Variants in PDZRN3 observed in about 807,000 individuals in gnomAD.
PDZRN3 encodes the protein PDZ domain containing ring finger 3, also known as E3 ubiquitin-protein ligase PDZRN3.
Under a neutral mutation model 85.7 loss-of-function variants are expected in PDZRN3, and 38 were observed. The observed-to-expected ratio is 0.44, with a 90% CI of 0.34 to 0.58. The LOEUF (loss-of-function observed/expected upper bound fraction) is 0.58. PDZRN3 is among the 20% of genes least tolerant of loss of function. The pLI is 0.01. For synonymous variants in PDZRN3, 759 were observed against 638.0 expected (o/e 1.19, Z -2.86); for missense variants, 1,629 against 1,506.4 (o/e 1.08, Z -1.35).
In PDZRN3 at chr3:73,385,718, T is replaced by TCCAGCATGTCCATGTGCAGGTCATCCAGA; in HGVS notation, c.1557_1585dup (p.Glu529ValfsTer138). On this transcript the variant is annotated frameshift_variant, in exon 9 of 10. Transcript: ENST00000263666. LOFTEE classifies it high-confidence loss of function. The stretch of plus-strand genomic sequence containing the variant: ...TTGCATGGCCTGGTGGTGCTGCTCC[T>TCCAGCATGTCCATGTGCAGGTCATCCAGA]CCAGCATGTCCATGTGCAGGTCATC... The TCCAGCATGTCCATGTGCAGGTCATCCAGA allele has an allele frequency of 6.2e-7, 1 of 1,613,894 alleles. No individual in the cohort carries two copies. Among genetic ancestry groups the TCCAGCATGTCCATGTGCAGGTCATCCAGA allele is most frequent in the Non-Finnish European group, 8.5e-7 (1 of 1,179,808 alleles).
Position 73,521,265 on chromosome 3 carries a change from C to G in PDZRN3, c.918+81089G>C, listed in dbSNP as rs536988979. Among the ~76,000 whole-genome samples, 5 of 152,312 alleles carry G rather than the reference C, an allele frequency of 3.3e-5. No homozygotes were observed. In the South Asian group the frequency reaches 1.0e-3, roughly 32 times the overall value. ...CAGAAAGACTTCACGCTCTGGACAT[C>G]TTTACTGGGGCCAGTGCACAGCCCT... On this transcript the variant is annotated intron_variant, in intron 3 of 9. Coordinates refer to ENST00000263666, the MANE Select transcript of PDZRN3 (RefSeq NM_015009.3).
At chr3:73,451,078 C>T (rs1180152342) in intron 3 of PDZRN3, among the ~76,000 whole-genome samples, 2 of 152,148 alleles carry the variant, frequency 1.3e-5, no homozygotes, top group African/African-American at 2.4e-5. Context: ...CAGAAACAGT[C>T]TTGACATCTC....
chr3:73,608,727 G>A (rs766230650), intron 1 of PDZRN3, 43 bp from the exon 2 acceptor site: 4 of 1,194,626 alleles, frequency 3.3e-6, no homozygotes, highest in Admixed American at 3.9e-5. Context: ...TACCAACAGG[G>A]AATAGATGGT....
intron 3 of PDZRN3, among the ~76,000 whole-genome samples, chr3:73,434,631 T>C (rs1702496996): frequency 6.6e-6 from 1 of 152,194 alleles, no homozygotes; most frequent in African/African-American, 2.4e-5. Flanking sequence ...GTCAGCTTCA[T>C]GCCATCCCCT....
rs755230623 is a variant in PDZRN3 at position 73,624,544 on chromosome 3, C to T, written c.282G>A (p.Lys94=). The T allele has an allele frequency of 1.8e-5, 27 of 1,507,182 alleles. No homozygotes were observed. In the African/African-American group the frequency reaches 3.3e-4, roughly 19 times the overall value. The allele number at this position is 1,507,182 out of a possible 1,614,324, so 93.4% of individuals were successfully genotyped here. Residue 94 remains lysine, a synonymous_variant, in exon 1 of 10, where the codon AAG becomes AAA. Coordinates refer to ENST00000263666, the MANE Select transcript of PDZRN3 (RefSeq NM_015009.3). ...YATRGCGRVV[K]LQQLPEHLER... ...CGAGGTGCTCCGGCAGCTGCTGCAGCTTGACCACCCGGCCGCAGCCGCGCG... is the reference window on the plus strand; with the variant it reads ...CGAGGTGCTCCGGCAGCTGCTGCAGTTTGACCACCCGGCCGCAGCCGCGCG...
At position 73,624,203 on chromosome 3, in the gene PDZRN3, T is replaced by G; in HGVS notation, c.623A>C (p.Glu208Ala). ...GTAGCGCAGCGCGGTCATCTGCAGC[T>G]CAAGCTGCGCCGCGGCCAGCTGGGC... Reference protein sequence around the residue: ...LVAQLAAAQLELQMTALRYQK... With the variant: ...LVAQLAAAQLALQMTALRYQK... The change falls in exon 1 of 10, where the codon GAG becomes GCG. Residue 208 changes from glutamate (E) to alanine (A), a missense_variant. Glu to Ala is a moderately radical substitution (Grantham distance 107). Transcript: ENST00000263666. 1 of 1,491,308 alleles carries G rather than the reference T, an allele frequency of 6.7e-7. No individual in the cohort carries two copies. Among genetic ancestry groups the G allele is most frequent in the Non-Finnish European group, 8.9e-7 (1 of 1,126,842 alleles). The allele number at this position is 1,491,308 out of a possible 1,614,324, so 92.4% of individuals were successfully genotyped here. A position where few individuals can be genotyped will look rare whatever the true frequency, so the allele number is the denominator to read the frequency against.
chr3:73,424,577 A>G (rs1702273345), intron 3 of PDZRN3, among the ~76,000 whole-genome samples: 1 of 150,802 alleles, frequency 6.6e-6, no homozygotes, highest in Non-Finnish European at 1.5e-5. Context: ...ATATGCAAAG[A>G]CAGGATACAA....
chr3:73,624,355 C>A lies in PDZRN3; in HGVS notation c.471G>T (p.Ala157=), dbSNP rs2106926499. The part of the protein sequence containing the change: ...GLPLTHGEQR[A]GGHCCARALR... ...GCGCTCGCGCGCAGCAGTGGCCGCCCGCGCGCTGCTCGCCGTGCGTCAAGG... is the reference window on the plus strand; with the variant it reads ...GCGCTCGCGCGCAGCAGTGGCCGCCAGCGCGCTGCTCGCCGTGCGTCAAGG... Residue 157 remains alanine, a synonymous_variant, in exon 1 of 10, where the codon GCG becomes GCT. Coordinates refer to ENST00000263666, the MANE Select transcript of PDZRN3 (RefSeq NM_015009.3). 7.7e-7 allele frequency: 1 copy of A among 1,301,138 alleles called. No individual in the cohort carries two copies. The highest frequency in any genetic ancestry group is 2.4e-5 in the South Asian group (1 of 42,404). 80.6% of individuals were successfully genotyped at this position (1,301,138 alleles called of 1,614,324 possible).
At chr3:73,539,993 GATA>G (rs1704877188) in intron 3 of PDZRN3, among the ~76,000 whole-genome samples, 1 of 148,594 alleles carries the variant, frequency 6.7e-6, no homozygotes, top group Non-Finnish European at 1.5e-5. Flanking sequence ...CATGGCTCAG[GATA>G]ATACTTCCTG....
At chr3:73,596,115 A>G (rs2106887199) in intron 3 of PDZRN3, among the ~76,000 whole-genome samples, 1 of 152,292 alleles carries the variant, frequency 6.6e-6, no homozygotes, top group South Asian at 2.1e-4. Flanking sequence ...CATGATGGGA[A>G]CATGTCAAAA....
chr3:73,391,013 T>G lies in PDZRN3; in HGVS notation c.1353+5A>C. ...TAGTTAGAAAAACAAAATCAGCCTT[T>G]GTACCTCACTGATATAAATCCCAAT... is the stretch of plus-strand genomic sequence containing the variant. On this transcript the variant is annotated splice_donor_5th_base_variant and intron_variant, in intron 6 of 9. Transcript: ENST00000263666. 6.2e-7 allele frequency: 1 copy of G among 1,600,352 alleles called. No homozygotes were observed. Among genetic ancestry groups the G allele is most frequent in the Non-Finnish European group, 8.6e-7 (1 of 1,167,902 alleles).
chr3:73,385,829 C>A (rs1701368544), intron 8 of PDZRN3, 44 bp from the exon 9 acceptor site: 1 of 1,112,232 alleles, frequency 9.0e-7, no homozygotes. Context: ...AGTTTCCTTT[C>A]ATGTTCATTT....
intron 3 of PDZRN3, among the ~76,000 whole-genome samples, chr3:73,523,648 G>A (rs1449106021): frequency 6.6e-6 from 1 of 152,122 alleles, no homozygotes. Flanking sequence ...TGAAAAATAT[G>A]ATCACAAAAA....
chr3:73,397,196 G>T (rs1701656652), intron 5 of PDZRN3, among the ~76,000 whole-genome samples: 1 of 152,078 alleles, frequency 6.6e-6, no homozygotes, highest in African/African-American at 2.4e-5. Context: ...ACTGCGTCTG[G>T]CCAGAACCAT....
At chr3:73,599,804 A>G (rs1178284162) in intron 3 of PDZRN3, among the ~76,000 whole-genome samples, 2 of 152,098 alleles carry the variant, frequency 1.3e-5, no homozygotes, top group Non-Finnish European at 2.9e-5. Context: ...CAGCATCTGC[A>G]GCCACATAAG....
intron 5 of PDZRN3, 119 bp from the exon 6 acceptor site, chr3:73,391,235 T>C: frequency 1.5e-6 from 1 of 667,144 alleles, no homozygotes; most frequent in Admixed American, 2.4e-5. Context: ...CATTCAACTG[T>C]GTAGGGCCGG....
At chr3:73,472,900 C>G (rs960503193) in intron 3 of PDZRN3, among the ~76,000 whole-genome samples, 1 of 152,218 alleles carries the variant, frequency 6.6e-6, no homozygotes, top group Non-Finnish European at 1.5e-5. Context: ...TTACTATTCA[C>G]TTTCCAATAC....
chr3:73,411,842 T>C (rs539072131), intron 3 of PDZRN3, among the ~76,000 whole-genome samples: 8 of 152,224 alleles, frequency 5.3e-5, no homozygotes, highest in Non-Finnish European at 2.9e-5. Context: ...GCTGGAGCTT[T>C]TGACACTTTA....
intron 3 of PDZRN3, among the ~76,000 whole-genome samples, chr3:73,495,469 C>A (rs1423366212): frequency 6.6e-6 from 1 of 152,176 alleles, no homozygotes; most frequent in Non-Finnish European, 1.5e-5. Context: ...CATCAAACAT[C>A]ATGTATTATT....
Sources: gnomAD v4.1 joint callset for allele counts (sites outside exome capture counted in the v4.1 genomes callset) on GRCh38, gnomAD v4.1.1 for gene constraint, MANE v1.5 for transcripts, NCBI Gene and HGNC (gene_info 2026-07-23, HGNC 2026-07-21) for gene names.